The following PLS1 variants were observed in gnomAD, a reference collection of about 807,000 sequenced individuals.
The protein encoded by PLS1 is plastin-1.
In PLS1, 32 loss-of-function variants were observed where a neutral mutation model predicts 73.7. That is an observed-to-expected ratio of 0.43 (90% confidence interval 0.33 to 0.58). The LOEUF (loss-of-function observed/expected upper bound fraction) is 0.58. PLS1 is among the 20% of genes least tolerant of loss of function. The pLI is 0.04. For missense variants in PLS1, 633 were observed against 740.5 expected, an observed-to-expected ratio of 0.85 and a Z score of 1.68; for synonymous variants, 217 against 261.3, an observed-to-expected ratio of 0.83 and a Z score of 1.63.
At chr3:142,667,979 A>G (rs1384892273) in intron 2 of PLS1, among the ~76,000 whole-genome samples, 7 of 152,250 alleles carry the variant, frequency 4.6e-5, no homozygotes, top group Non-Finnish European at 8.8e-5. Context: ...ATCATTCTGA[A>G]CAGTATTAAT....
intron 1 of PLS1, among the ~76,000 whole-genome samples, chr3:142,599,194 A>T (rs1405780100): frequency 2.0e-5 from 3 of 151,588 alleles, no homozygotes; most frequent in African/African-American, 4.8e-5. Flanking sequence ...ATAAATAAAT[A>T]AATAAATAAA....
At chr3:142,651,542 G>T (rs989575559) in intron 1 of PLS1, among the ~76,000 whole-genome samples, 1 of 151,366 alleles carries the variant, frequency 6.6e-6, no homozygotes, top group South Asian at 2.1e-4. Flanking sequence ...GCTCAGGCTG[G>T]ATTCGAACTC....
chr3:142,641,393 C>A (rs1219331100), intron 1 of PLS1, among the ~76,000 whole-genome samples: 1 of 149,518 alleles, frequency 6.7e-6, no homozygotes, highest in Non-Finnish European at 1.5e-5. Context: ...AATCTCACCA[C>A]CCTCATCCCC....
At chr3:142,707,117 C>T (rs528687220) in intron 14 of PLS1, among the ~76,000 whole-genome samples, 1 of 152,162 alleles carries the variant, frequency 6.6e-6, no homozygotes, top group East Asian at 1.9e-4. Flanking sequence ...AGAAACATCG[C>T]GAAAGTGCTT....
At chr3:142,677,643 TA>T (rs950006215) in intron 5 of PLS1, among the ~76,000 whole-genome samples, 12 of 147,290 alleles carry the variant, frequency 8.1e-5, no homozygotes, top group East Asian at 2.0e-4. Context: ...GACTCCCTCT[TA>T]AAAAAAAAAG....
intron 4 of PLS1, among the ~76,000 whole-genome samples, chr3:142,675,036 G>A (rs552979652): frequency 2.6e-5 from 4 of 151,980 alleles, no homozygotes; most frequent in Admixed American, 1.3e-4. Context: ...CAGCCAATTT[G>A]TGTCAATTTT....
intron 1 of PLS1, among the ~76,000 whole-genome samples, chr3:142,620,009 A>G (rs1304834598): frequency 2.6e-5 from 4 of 152,192 alleles, no homozygotes; most frequent in South Asian, 2.1e-4. Flanking sequence ...TCAGCACCCT[A>G]TCGAGAAACC....
chr3:142,598,395 T>C (rs1361630899), intron 1 of PLS1, among the ~76,000 whole-genome samples: 1 of 152,124 alleles, frequency 6.6e-6, no homozygotes, highest in African/African-American at 2.4e-5. Flanking sequence ...TTCTATAATA[T>C]GGGGAAGGCC....
intron 1 of PLS1, among the ~76,000 whole-genome samples, chr3:142,631,980 G>A (rs2036574993): frequency 6.6e-6 from 1 of 152,108 alleles, no homozygotes; most frequent in Non-Finnish European, 1.5e-5. Flanking sequence ...CTGATAAGAG[G>A]ATAATATCCA....
chr3:142,680,041 GA>G (rs1273560403), intron 6 of PLS1, among the ~76,000 whole-genome samples: 5 of 152,118 alleles, frequency 3.3e-5, no homozygotes, highest in Non-Finnish European at 7.4e-5. Context: ...AAGCAATTGT[GA>G]ATGGGAGTTC....
At chr3:142,678,427 C>T (rs1268222371) in intron 6 of PLS1, among the ~76,000 whole-genome samples, 2 of 115,162 alleles carry the variant, frequency 1.7e-5, no homozygotes, top group Admixed American at 1.0e-4. Flanking sequence ...CCCCCCTCCC[C>T]CCACCCCACA....
At chr3:142,673,675 A>G (rs1469640208) in intron 4 of PLS1, 1 of 152,408 alleles carries the variant, frequency 6.6e-6, no homozygotes, top group Non-Finnish European at 1.5e-5. Context: ...CTGGCTGGCT[A>G]GGCAGGTGTC....
intron 1 of PLS1, among the ~76,000 whole-genome samples, chr3:142,651,002 T>C (rs1389522666): frequency 6.6e-6 from 1 of 152,106 alleles, no homozygotes; most frequent in Admixed American, 6.6e-5. Context: ...GAGGTGACAA[T>C]TGGAAATGCC....
At chr3:142,661,683 G>A (rs899187819) in intron 1 of PLS1, among the ~76,000 whole-genome samples, 3 of 152,094 alleles carry the variant, frequency 2.0e-5, no homozygotes, top group African/African-American at 7.2e-5. Context: ...TAAAAAAGAG[G>A]ATTTTCCACT....
At chr3:142,639,206 TGGATA>T (rs577097485) in intron 1 of PLS1, among the ~76,000 whole-genome samples, 74 of 152,306 alleles carry the variant, frequency 4.9e-4, no homozygotes, top group African/African-American at 1.7e-3. Flanking sequence ...TATCATAGCA[TGGATA>T]GGAGGGTGAG....
At chr3:142,709,476 A>C (rs950600656) in intron 14 of PLS1, among the ~76,000 whole-genome samples, 1 of 152,198 alleles carries the variant, frequency 6.6e-6, no homozygotes, top group Non-Finnish European at 1.5e-5. Context: ...ATTCCTGCCC[A>C]AAAATCTGTA....
chr3:142,695,761 CTTATTTATTTAT>C (rs55888631), intron 11 of PLS1, among the ~76,000 whole-genome samples: 5,377 of 94,176 alleles, frequency 0.057, 136 homozygotes, highest in Non-Finnish European at 0.072. Flanking sequence ...AGGAGACTTA[CTTATTTATTTAT>C]TTATTTATTT....
intron 1 of PLS1, among the ~76,000 whole-genome samples, chr3:142,652,333 A>G (rs2037114848): frequency 6.6e-6 from 1 of 152,230 alleles, no homozygotes; most frequent in Non-Finnish European, 1.5e-5. Context: ...AGTTCCAGTC[A>G]GTCTTCTATT....
chr3:142,669,205 C>T (rs950797852), intron 2 of PLS1, among the ~76,000 whole-genome samples, 185 bp from the exon 3 acceptor site: 3 of 151,928 alleles, frequency 2.0e-5, no homozygotes, highest in South Asian at 4.2e-4. Flanking sequence ...GGCTTAAATA[C>T]GAGTTTTTAA....
Sources: allele counts gnomAD v4.1 joint callset (sites outside exome capture counted in the v4.1 genomes callset), GRCh38; gene constraint gnomAD v4.1.1; transcripts MANE v1.5; gene names NCBI Gene and HGNC (gene_info 2026-07-23, HGNC 2026-07-21).